Variants in RPL14 observed in about 807,000 individuals in gnomAD.
RPL14 encodes the protein large ribosomal subunit protein eL14.
In RPL14, 4 loss-of-function variants were observed where a neutral mutation model predicts 25.3. The ratio of observed to expected loss-of-function variants is 0.16; its 90% CI spans 0.08 to 0.36. The LOEUF is 0.36. Among genes scored for constraint, RPL14 ranks in the 10% least tolerant of loss-of-function variants. The pLI is 1.00. For missense variants in RPL14, 212 were observed against 261.9 expected, an observed-to-expected ratio of 0.81 and a Z score of 1.31; for synonymous variants, 75 against 89.8, an observed-to-expected ratio of 0.84 and a Z score of 0.93.
intron 1 of RPL14, 137 bp downstream of exon 1, chr3:40,457,611 C>T (rs1335977777): frequency 2.7e-6 from 2 of 734,296 alleles, no homozygotes; most frequent in Admixed American, 5.5e-5. Context: ...GCGCCTCCGC[C>T]GCTGGAGCTG....
At chr3:40,458,959 T>G (rs1282251916) in intron 3 of RPL14, 2 of 467,036 alleles carry the variant, frequency 4.3e-6, no homozygotes, top group South Asian at 4.9e-5. Flanking sequence ...GAGGGTCTCT[T>G]GAGCCCAAGT....
chr3:40,458,697 G>A lies in RPL14; in HGVS notation c.161G>A (p.Cys54Tyr). 6 of 1,614,186 alleles carry A rather than the reference G, an allele frequency of 3.7e-6. No homozygotes were observed. The highest frequency in any genetic ancestry group is 4.2e-6 in the Non-Finnish European group (5 of 1,180,018). ...QVRRQAMPFKCMQLTDFILKF... is the reference protein window; with the variant it reads ...QVRRQAMPFKYMQLTDFILKF... Reference sequence around the variant, plus strand: ...AGGAGACAGGCCATGCCTTTCAAGTGCATGCAGCTCACTGATTTCATCCTC... The same window carrying A: ...AGGAGACAGGCCATGCCTTTCAAGTACATGCAGCTCACTGATTTCATCCTC... The change falls in exon 3 of 6, where the codon TGC (cysteine) becomes TAC (tyrosine). Residue 54 changes from cysteine (C) to tyrosine (Y), a missense_variant. Transcript: ENST00000396203.
At position 40,464,356 on chromosome 3, in the gene RPL14, G is replaced by A. The variant is rs758033805; in HGVS notation, c.*2124G>A. 2.5e-6 allele frequency: 1 copy of A among 406,594 alleles called. No individual in the cohort carries two copies. Among genetic ancestry groups the A allele is most frequent in the Non-Finnish European group, 5.0e-6 (1 of 200,408 alleles). The allele number at this position is 406,594 out of a possible 1,614,324, so 25.2% of individuals were successfully genotyped here. A position where few individuals can be genotyped will look rare whatever the true frequency, so the allele number is the denominator to read the frequency against. ...AGCACATTGATTTGCTTGATAATAGGCAAGTGGTATGGTGTAATAAGGAAA... is the reference window on the plus strand; with the variant it reads ...AGCACATTGATTTGCTTGATAATAGACAAGTGGTATGGTGTAATAAGGAAA... On this transcript the variant is annotated 3_prime_UTR_variant, in exon 6 of 6. Coordinates refer to ENST00000396203, the MANE Select transcript of RPL14 (RefSeq NM_001034996.3).
In RPL14 at chr3:40,464,138, G is replaced by A. The variant is rs188446836; in HGVS notation, c.*1906G>A. On this transcript the variant is annotated 3_prime_UTR_variant, in exon 6 of 6. Transcript: ENST00000396203. Reference sequence around the variant, plus strand: ...TGTACCACCATGCCCCTCTAATATTGTATTAGAGATGGGGTTTTGCCATGT... The same window carrying A: ...TGTACCACCATGCCCCTCTAATATTATATTAGAGATGGGGTTTTGCCATGT... The A allele has an allele frequency of 4.5e-5, 13 of 291,712 alleles. No individual in the cohort carries two copies. Among genetic ancestry groups the A allele is most frequent in the African/African-American group, 2.6e-4 (12 of 46,168 alleles). The allele number at this position is 291,712 out of a possible 1,614,324, so 18.1% of individuals were successfully genotyped here.
chr3:40,461,743 A>G, intron 5 of RPL14, 82 bp downstream of exon 5: 10 of 1,397,686 alleles, frequency 7.2e-6, no homozygotes, highest in Non-Finnish European at 9.8e-6. Context: ...TCAGGCTGCC[A>G]GCTTCTTGGA....
At position 40,465,319 on chromosome 3, in the gene RPL14, G is replaced by C. The variant is rs1456874603; in HGVS notation, c.*3087G>C. 6.6e-6 allele frequency: 1 copy of C among 152,164 alleles called. No homozygotes were observed. Among genetic ancestry groups the C allele is most frequent in the African/African-American group, 2.4e-5 (1 of 41,406 alleles). The allele number at this position is 152,164 out of a possible 1,614,324, so 9.4% of individuals were successfully genotyped here. On this transcript the variant is annotated 3_prime_UTR_variant, in exon 6 of 6. Coordinates refer to ENST00000396203, the MANE Select transcript of RPL14 (RefSeq NM_001034996.3). ...ATGTTATATGGGGTTCGGAGGTTTT[G>C]TGTTTGTAAATCTGGAGTGATGGGC...
chr3:40,468,442 A>G lies in RPL14; in HGVS notation c.*6210A>G, dbSNP rs1428897325. The G allele has an allele frequency of 6.6e-6, 1 of 152,210 alleles. No homozygotes were observed. Among genetic ancestry groups the G allele is most frequent in the Admixed American group, 6.5e-5 (1 of 15,280 alleles). The allele number at this position is 152,210 out of a possible 1,614,324, so 9.4% of individuals were successfully genotyped here. On this transcript the variant is annotated 3_prime_UTR_variant, in exon 6 of 6. Coordinates refer to ENST00000396203, the MANE Select transcript of RPL14 (RefSeq NM_001034996.3). ...ACTTTAACTTGTATTTTCCTGGTCC[A>G]ATAGTGCACTAAATGCCCGAGTTCT... is the stretch of plus-strand genomic sequence containing the variant.
rs760050758 is a variant in RPL14 at position 40,457,390 on chromosome 3, G to A, written c.-82G>A. 10 of 1,602,880 alleles carry A rather than the reference G, an allele frequency of 6.2e-6. No individual in the cohort carries two copies. The South Asian group carries it at 8.9e-5, about 14-fold the overall frequency. ...TGAGTCTTACTGTTGCGGGCTCCGG[G>A]GCCGTCGACCATGCCGCTCGACCTC... On this transcript the variant is annotated 5_prime_UTR_variant, in exon 1 of 6. Transcript: ENST00000396203.
rs1696984299 is a variant in RPL14 at position 40,463,667 on chromosome 3, T to C, written c.*1435T>C. 6.6e-6 allele frequency: 1 copy of C among 152,304 alleles called. No individual in the cohort carries two copies. Among genetic ancestry groups the C allele is most frequent in the East Asian group, 1.9e-4 (1 of 5,192 alleles). The allele number at this position is 152,304 out of a possible 1,614,324, so 9.4% of individuals were successfully genotyped here. A position where few individuals can be genotyped will look rare whatever the true frequency, so the allele number is the denominator to read the frequency against. On this transcript the variant is annotated 3_prime_UTR_variant, in exon 6 of 6. Transcript: ENST00000396203. The stretch of plus-strand genomic sequence containing the variant: ...CCCGCATGGTGGGTTATGGTCAAAA[T>C]ACAGGTACACAGCACTATTCAGTGT...
chr3:40,457,882 A>C lies in RPL14; in HGVS notation c.4-8A>C. 1.2e-6 allele frequency: 2 copies of C among 1,613,686 alleles called. No individual in the cohort carries two copies. The highest frequency in any genetic ancestry group is 1.7e-6 in the Non-Finnish European group (2 of 1,179,630). ...TAAGTTTCACTGTCCTTTCTCCTCC[A>C]ATTTTAGGTGTTCAGGCGCTTCGTG... On this transcript the variant is annotated splice_polypyrimidine_tract_variant and splice_region_variant and intron_variant, in intron 1 of 5. Coordinates refer to ENST00000396203, the MANE Select transcript of RPL14 (RefSeq NM_001034996.3).
rs1696995110 is a variant in RPL14, at chr3:40,464,229, G to A, written c.*1997G>A. ...TCCGCCTTGGCCTCCCAAAGTGCTG[G>A]GATTACAGGCGTGAGCCACCGCTTC... On this transcript the variant is annotated 3_prime_UTR_variant, in exon 6 of 6. Coordinates refer to ENST00000396203, the MANE Select transcript of RPL14 (RefSeq NM_001034996.3). 3 of 344,044 alleles carry A rather than the reference G, an allele frequency of 8.7e-6. No individual in the cohort carries two copies. Among genetic ancestry groups the A allele is most frequent in the African/African-American group, 4.3e-5 (2 of 46,610 alleles). The allele number at this position is 344,044 out of a possible 1,614,324, so 21.3% of individuals were successfully genotyped here. A position where few individuals can be genotyped will look rare whatever the true frequency, so the allele number is the denominator to read the frequency against.
chr3:40,464,550 G>A lies in RPL14; in HGVS notation c.*2318G>A, dbSNP rs565414239. ...AGGACTGGCTCGGGACCACATCAAG[G>A]AAGTAGGTTAGTGGTTAGATCGTGT... On this transcript the variant is annotated 3_prime_UTR_variant, in exon 6 of 6. Transcript: ENST00000396203. 74 of 455,836 alleles carry A rather than the reference G, an allele frequency of 1.6e-4. No homozygotes were observed. The highest frequency in any genetic ancestry group is 1.0e-3 in the African/African-American group (50 of 50,178). 28.2% of individuals were successfully genotyped at this position (455,836 alleles called of 1,614,324 possible). A position where few individuals can be genotyped will look rare whatever the true frequency, so the allele number is the denominator to read the frequency against.
rs10682822 is a variant in RPL14, at chr3:40,459,858, CAA to C, written c.200+1143_200+1144del. On this transcript the variant is annotated intron_variant, in intron 3 of 5. Coordinates refer to ENST00000396203, the MANE Select transcript of RPL14 (RefSeq NM_001034996.3). ...TGGGTGACAGAGCGAGACTCCGTTTCAAAAAAAAAAAAAAAAAAAAAACTTAC... is the reference window on the plus strand; with the variant it reads ...TGGGTGACAGAGCGAGACTCCGTTTCAAAAAAAAAAAAAAAAAAAACTTAC... Among the ~76,000 whole-genome samples, 370 of 90,948 alleles carry C rather than the reference CAA, an allele frequency of 4.1e-3. 1 individual carries two copies. The highest frequency in any genetic ancestry group is 0.017 in the African/African-American group (353 of 21,254). 59.7% of individuals were successfully genotyped at this position (90,948 alleles called of 152,430 possible).
rs35229215 is a variant in RPL14 at position 40,462,373 on chromosome 3, CTTTTTT to C, written c.*157_*162del. 1,056 of 330,718 alleles carry C rather than the reference CTTTTTT, an allele frequency of 3.2e-3. No individual in the cohort carries two copies. The highest frequency in any genetic ancestry group is 3.8e-3 in the East Asian group (51 of 13,434). 20.5% of individuals were successfully genotyped at this position (330,718 alleles called of 1,614,324 possible). A position where few individuals can be genotyped will look rare whatever the true frequency, so the allele number is the denominator to read the frequency against. ...ATAATAAACATTAAATAATCAGTTC[CTTTTTT>C]TTTTTTTTTTTTTTTGAGATGGAGT... On this transcript the variant is annotated 3_prime_UTR_variant, in exon 6 of 6. Coordinates refer to ENST00000396203, the MANE Select transcript of RPL14 (RefSeq NM_001034996.3).
Position 40,457,864 on chromosome 3 carries a change from C to T in RPL14, c.4-26C>T, listed in dbSNP as rs374740168. 537 of 1,597,062 alleles carry T rather than the reference C, an allele frequency of 3.4e-4. 4 individuals are homozygous for T. Among genetic ancestry groups the T allele is most frequent in the Admixed American group, 2.7e-4 (16 of 59,994 alleles). On this transcript the variant is annotated intron_variant, in intron 1 of 5. Transcript: ENST00000396203. ...GTAGCGAGTATTTCTAAGTAAGTTT[C>T]ACTGTCCTTTCTCCTCCAATTTTAG...
chr3:40,458,799 GT>G, intron 3 of RPL14, 63 bp downstream of exon 3: 1 of 1,322,258 alleles, frequency 7.6e-7, no homozygotes, highest in Non-Finnish European at 1.1e-6. Flanking sequence ...GTAAAAGTTT[GT>G]TTTGGAGTAA....
rs532819176 is a variant in RPL14 at position 40,466,877 on chromosome 3, T to C, written c.*4645T>C. 17 of 152,258 alleles carry C rather than the reference T, an allele frequency of 1.1e-4. No homozygotes were observed. The highest frequency in any genetic ancestry group is 3.1e-4 in the African/African-American group (13 of 41,530). The allele number at this position is 152,258 out of a possible 1,614,324, so 9.4% of individuals were successfully genotyped here. ...TTGGCATGTCCTCTAATTCATATTT[T>C]CCCCCCTCATCTGTTGGGTGAAATA... On this transcript the variant is annotated 3_prime_UTR_variant, in exon 6 of 6. Coordinates refer to ENST00000396203, the MANE Select transcript of RPL14 (RefSeq NM_001034996.3).
At position 40,462,238 on chromosome 3, in the gene RPL14, A is replaced by C; in HGVS notation, c.*6A>C. 6.3e-7 allele frequency: 1 copy of C among 1,577,982 alleles called. No homozygotes were observed. On this transcript the variant is annotated 3_prime_UTR_variant, in exon 6 of 6. Transcript: ENST00000396203. ...CATCTGGCAAGAAAGCATAAGTGGCAATCATAAAAAGTAATAAAGGTTCTT... is the reference window on the plus strand; with the variant it reads ...CATCTGGCAAGAAAGCATAAGTGGCCATCATAAAAAGTAATAAAGGTTCTT...
Position 40,461,996 on chromosome 3 carries a change from GCTT to G in RPL14, c.415_417del (p.Ser139del), listed in dbSNP as rs1165678980. 1.2e-6 allele frequency: 2 copies of G among 1,605,424 alleles called. No individual in the cohort carries two copies. The highest frequency in any genetic ancestry group is 2.2e-5 in the South Asian group (2 of 90,394). ...GCTTCAAAAGGCAGCTCTCCTGAAA[GCTT>G]CTCCCAAAAAAGCACCTGGTACTAA... On this transcript the variant is annotated inframe_deletion, in exon 6 of 6. Coordinates refer to ENST00000396203, the MANE Select transcript of RPL14 (RefSeq NM_001034996.3).
Sources: allele counts gnomAD v4.1 joint callset (sites outside exome capture counted in the v4.1 genomes callset), GRCh38; gene constraint gnomAD v4.1.1; transcripts MANE v1.5; gene names NCBI Gene and HGNC (gene_info 2026-07-23, HGNC 2026-07-21).